Variants in CDH19 observed in about 807,000 individuals in gnomAD.
CDH19 encodes cadherin-19.
CDH19 carries 67 observed loss-of-function variants against 64.2 expected under a neutral mutation model. That is an observed-to-expected ratio of 1.04 (90% CI 0.86 to 1.28). The LOEUF (loss-of-function observed/expected upper bound fraction) is 1.28, where lower values mean the gene tolerates loss of function less well. Among genes scored for constraint, CDH19 ranks in the 50% most tolerant of loss-of-function variants. CDH19 has a pLI of 0.00. For synonymous variants in CDH19, 346 were observed against 319.3 expected (o/e 1.08, Z -0.89); for missense variants, 1,030 against 929.0 (o/e 1.11, Z -1.41).
chr18:66,571,311 T>C (rs1988094915), intron 2 of CDH19, among the ~76,000 whole-genome samples: 1 of 151,642 alleles, frequency 6.6e-6, no homozygotes, highest in South Asian at 2.1e-4. Flanking sequence ...GCTTCACCCT[T>C]TGGGCCCAAT....
rs183946524 is a variant in CDH19, at chr18:66,555,280, T to C, written c.491-756A>G. Among the ~76,000 whole-genome samples, 382 of 151,956 alleles carry C rather than the reference T, an allele frequency of 2.5e-3. 11 individuals are homozygous for C. The highest frequency in any genetic ancestry group is 6.3e-4 in the Non-Finnish European group (43 of 67,798). ...TTATGGATCTTATTTGAAATATGTA[T>C]TTGTTGAAACACTGTTTACTGTGTC... On this transcript the variant is annotated intron_variant, in intron 3 of 11. Transcript: ENST00000262150.
intron 5 of CDH19, 54 bp downstream of exon 5, chr18:66,551,039 AT>A: frequency 2.1e-6 from 2 of 962,194 alleles, no homozygotes; most frequent in East Asian, 5.1e-5. Context: ...ATCTACTTAT[AT>A]TTAACACACT....
intron 5 of CDH19, among the ~76,000 whole-genome samples, chr18:66,546,832 T>C (rs911142454): frequency 6.6e-6 from 1 of 151,912 alleles, no homozygotes; most frequent in Non-Finnish European, 1.5e-5. Context: ...CCTGGAGTGT[T>C]CTGGGAAAAG....
At chr18:66,589,764 C>T (rs1002973729) in intron 1 of CDH19, among the ~76,000 whole-genome samples, 15 of 151,702 alleles carry the variant, frequency 9.9e-5, no homozygotes, top group African/African-American at 2.9e-4. Flanking sequence ...TGTTAATTTG[C>T]CTTTCTTTAT....
intron 7 of CDH19, among the ~76,000 whole-genome samples, chr18:66,535,632 T>A (rs984409470): frequency 9.5e-5 from 14 of 146,826 alleles, no homozygotes; most frequent in East Asian, 5.8e-4. Context: ...TATATATATA[T>A]AAACATATAT....
intron 2 of CDH19, among the ~76,000 whole-genome samples, chr18:66,570,689 A>AT (rs1353762148): frequency 6.6e-6 from 1 of 151,688 alleles, no homozygotes; most frequent in African/African-American, 2.4e-5. Context: ...GCAGAAAAAC[A>AT]TTTTTCAGAG....
chr18:66,578,893 G>A (rs1341587320), intron 1 of CDH19, among the ~76,000 whole-genome samples: 1 of 151,864 alleles, frequency 6.6e-6, no homozygotes, highest in Non-Finnish European at 1.5e-5. Flanking sequence ...ACAAATTCAG[G>A]TTGTGTGTTT....
intron 3 of CDH19, among the ~76,000 whole-genome samples, chr18:66,563,079 T>C (rs898499474): frequency 6.6e-6 from 1 of 152,114 alleles, no homozygotes; most frequent in Non-Finnish European, 1.5e-5. Flanking sequence ...CTGGTGATTA[T>C]GGGAAGCATA....
intron 9 of CDH19, among the ~76,000 whole-genome samples, chr18:66,524,205 G>C (rs1279624782): frequency 6.6e-6 from 1 of 151,422 alleles, no homozygotes; most frequent in Non-Finnish European, 1.5e-5. Context: ...TTCCTAACTT[G>C]TGCGTGTGTG....
At chr18:66,523,834 A>G (rs1986099097) in intron 9 of CDH19, among the ~76,000 whole-genome samples, 1 of 137,178 alleles carries the variant, frequency 7.3e-6, no homozygotes. Context: ...TTCTCCTGCA[A>G]TGTTCATCCA....
At chr18:66,524,542 GTATATATATATATA>G (rs72219868) in intron 9 of CDH19, among the ~76,000 whole-genome samples, 3 of 94,558 alleles carry the variant, frequency 3.2e-5, no homozygotes, top group African/African-American at 9.1e-5. Flanking sequence ...ATGTTTGTGT[GTATATATATATATA>G]TATATATATA....
intron 7 of CDH19, among the ~76,000 whole-genome samples, chr18:66,543,175 G>A (rs1341423846): frequency 2.0e-5 from 3 of 151,990 alleles, no homozygotes; most frequent in South Asian, 4.2e-4. Flanking sequence ...ACAGGTGCCC[G>A]CCGCCACGCC....
At chr18:66,513,202 T>C (rs1985576548) in intron 9 of CDH19, among the ~76,000 whole-genome samples, 1 of 151,538 alleles carries the variant, frequency 6.6e-6, no homozygotes, top group African/African-American at 2.4e-5. Flanking sequence ...AACATGAGCA[T>C]CTGAGTAAAT....
At chr18:66,526,311 GC>G (rs573298616) in intron 9 of CDH19, among the ~76,000 whole-genome samples, 81 of 152,170 alleles carry the variant, frequency 5.3e-4, no homozygotes, top group African/African-American at 1.8e-3. Context: ...TTTCCATAAA[GC>G]TTTACATTTA....
intron 11 of CDH19, among the ~76,000 whole-genome samples, chr18:66,506,556 A>G (rs1264690140): frequency 6.6e-6 from 1 of 152,058 alleles, no homozygotes; most frequent in Non-Finnish European, 1.5e-5. Context: ...CATGCATTTG[A>G]ATCATAACAC....
chr18:66,511,671 G>GATAGTCTGAATTACCTAAAA lies in CDH19; in HGVS notation c.1459-6_1472dup (p.Ser492PhefsTer3). 1 of 1,534,614 alleles carries GATAGTCTGAATTACCTAAAA rather than the reference G, an allele frequency of 6.5e-7. No individual in the cohort carries two copies. Among genetic ancestry groups the GATAGTCTGAATTACCTAAAA allele is most frequent in the Non-Finnish European group, 9.0e-7 (1 of 1,113,228 alleles). ...TGGATTCATCTCTATCCACTGCACT[G>GATAGTCTGAATTACCTAAAA]ATAGTCTGAATTACCTAAAAAAAAA... On this transcript the variant is annotated stop_gained and frameshift_variant, in exon 10 of 12. Transcript: ENST00000262150. LOFTEE classifies it high-confidence loss of function.
chr18:66,544,412 C>T (rs758128810), intron 6 of CDH19, among the ~76,000 whole-genome samples, 188 bp from the exon 7 acceptor site: 1 of 151,950 alleles, frequency 6.6e-6, no homozygotes. Flanking sequence ...TGTCACTTAC[C>T]TATTTTAATT....
chr18:66,560,120 C>T (rs373753781), intron 3 of CDH19, among the ~76,000 whole-genome samples: 18 of 152,018 alleles, frequency 1.2e-4, no homozygotes, highest in African/African-American at 3.6e-4. Context: ...CTGCAACTTC[C>T]GCAAGGCAAT....
intron 9 of CDH19, among the ~76,000 whole-genome samples, chr18:66,517,548 C>A (rs1044439697): frequency 1.3e-5 from 2 of 151,898 alleles, no homozygotes; most frequent in African/African-American, 4.8e-5. Flanking sequence ...AGAACAAAAC[C>A]AAAAATTTTG....
Sources: allele counts gnomAD v4.1 joint callset (sites outside exome capture counted in the v4.1 genomes callset), GRCh38; gene constraint gnomAD v4.1.1; transcripts MANE v1.5; gene names NCBI Gene and HGNC (gene_info 2026-07-23, HGNC 2026-07-21).